The following CYP46A1 variants were observed in gnomAD, a reference collection of about 807,000 sequenced individuals.
CYP46A1 encodes cholesterol 24-hydroxylase.
Under a neutral mutation model 63.3 loss-of-function variants are expected in CYP46A1, and 20 were observed. That is an observed-to-expected ratio of 0.32 (90% CI 0.22 to 0.46). The LOEUF is 0.46. Ranked by LOEUF, CYP46A1 falls within the 20% of genes least tolerant of loss-of-function variation. The probability of loss-of-function intolerance (pLI) is 1.00; values close to 1 mark genes in which losing one functional copy is unlikely to be tolerated. For missense variants in CYP46A1, 445 were observed against 670.8 expected (o/e 0.66, Z 3.72); for synonymous variants, 268 against 273.6 (o/e 0.98, Z 0.20).
At position 99,721,991 on chromosome 14, in the gene CYP46A1, A is replaced by T. The variant is rs200110496; in HGVS notation, c.1101A>T (p.Ala367=). ...LKESLRLYPP[A]WGTFRLLEEE... ...AGTCGCTGAGGCTGTACCCACCAGC[A>T]TGGGGCACCTTTCGCCTGCTGGAAG... Residue 367 remains alanine (A), a synonymous_variant, in exon 12 of 15, where the codon GCA becomes GCT. Transcript: ENST00000261835. 1 of 1,613,496 alleles carries T rather than the reference A, an allele frequency of 6.2e-7. No individual in the cohort carries two copies. Among genetic ancestry groups the T allele is most frequent in the African/African-American group, 1.3e-5 (1 of 74,858 alleles).
chr14:99,701,452 G>A (rs556860262), intron 5 of CYP46A1, among the ~76,000 whole-genome samples: 1 of 152,250 alleles, frequency 6.6e-6, no homozygotes, highest in Admixed American at 6.5e-5. Flanking sequence ...GCAGTAACCT[G>A]TTGCACAGGT....
intron 6 of CYP46A1, 26 bp downstream of exon 6, chr14:99,706,811 G>GGCCAGGA: frequency 6.2e-7 from 1 of 1,608,522 alleles, no homozygotes; most frequent in Non-Finnish European, 8.5e-7. Context: ...CGGGCATGGG[G>GGCCAGGA]GCCAGGAGGG....
At chr14:99,724,077 T>A (rs11851353) in intron 12 of CYP46A1, among the ~76,000 whole-genome samples, 1 of 152,212 alleles carries the variant, frequency 6.6e-6, no homozygotes. Context: ...CTTCCTTCTG[T>A]GTGTCTGTGT....
In CYP46A1 at chr14:99,725,807, G is replaced by A. The variant is rs191357733; in HGVS notation, c.1265+328G>A. Among the ~76,000 whole-genome samples, 1 of 152,294 alleles carries A rather than the reference G, an allele frequency of 6.6e-6. No homozygotes were observed. Among genetic ancestry groups the A allele is most frequent in the Non-Finnish European group, 1.5e-5 (1 of 68,016 alleles). On this transcript the variant is annotated intron_variant, in intron 13 of 14. Coordinates refer to ENST00000261835, the MANE Select transcript of CYP46A1 (RefSeq NM_006668.2). This position sits in a 1 kb window ranked among gnomAD's most constrained non-coding sequence, Gnocchi z 4.2. ...CGTGGCTGCATCTGCAAGTTGCTGT[G>A]GGGGTCAACGCGTTAAGGTACCGAA...
chr14:99,697,013 G>A (rs1566827499), intron 3 of CYP46A1, among the ~76,000 whole-genome samples: 1 of 152,194 alleles, frequency 6.6e-6, no homozygotes, highest in Non-Finnish European at 1.5e-5. Context: ...TCTGCGGAAG[G>A]TCTTGTGTCT....
chr14:99,727,023 A>C lies in CYP46A1; in HGVS notation c.*296A>C. On this transcript the variant is annotated 3_prime_UTR_variant, in exon 15 of 15. Transcript: ENST00000261835. ...AGACGAGACACCCTAACTCTTGCTC[A>C]CTCCCTAAAGCCCTCTTCAGGGGTC... 2 of 368,232 alleles carry C rather than the reference A, an allele frequency of 5.4e-6. No homozygotes were observed. The highest frequency in any genetic ancestry group is 1.3e-4 in the South Asian group (1 of 7,572). 22.8% of individuals were successfully genotyped at this position (368,232 alleles called of 1,614,324 possible).
chr14:99,699,605 T>C, intron 4 of CYP46A1, 66 bp downstream of exon 4: 1 of 1,542,318 alleles, frequency 6.5e-7, no homozygotes, highest in Non-Finnish European at 9.0e-7. Context: ...TGAGGGCCAG[T>C]GCGGTCCAGA....
intron 3 of CYP46A1, 44 bp from the exon 4 acceptor site, chr14:99,699,422 C>T (rs2056612151): frequency 1.3e-6 from 2 of 1,580,814 alleles, no homozygotes; most frequent in Admixed American, 1.7e-5. Flanking sequence ...CTTGCAGCTA[C>T]TCATGGGTGC....
At chr14:99,707,493 A>G in intron 6 of CYP46A1, 75 bp from the exon 7 acceptor site, 1 of 1,207,452 alleles carries the variant, frequency 8.3e-7, no homozygotes, top group Non-Finnish European at 1.2e-6. Context: ...GTCTAGCAGA[A>G]TGATGCCAGG....
chr14:99,693,956 C>T (rs1218362430), intron 3 of CYP46A1, among the ~76,000 whole-genome samples: 1 of 152,156 alleles, frequency 6.6e-6, no homozygotes, highest in Non-Finnish European at 1.5e-5. Context: ...CTAACTGAAA[C>T]TGTGTATCAG....
intron 7 of CYP46A1, among the ~76,000 whole-genome samples, chr14:99,715,437 G>A (rs1595201191): frequency 6.6e-6 from 1 of 152,120 alleles, no homozygotes; most frequent in Non-Finnish European, 1.5e-5. Flanking sequence ...GCTTGCAGCC[G>A]CCAATGCCGC....
intron 1 of CYP46A1, among the ~76,000 whole-genome samples, chr14:99,687,276 C>T (rs1014621254): frequency 2.6e-5 from 4 of 152,240 alleles, no homozygotes; most frequent in African/African-American, 9.6e-5. Flanking sequence ...AGCCCCTACT[C>T]TCCTGGTAAT....
At chr14:99,723,028 G>C (rs1379450812) in intron 12 of CYP46A1, 5 of 381,386 alleles carry the variant, frequency 1.3e-5, no homozygotes, top group Admixed American at 1.1e-4. Flanking sequence ...CAGTAGTGGT[G>C]AGAGAGAGCA....
intron 7 of CYP46A1, chr14:99,708,552 T>G (rs1009571833): frequency 6.4e-6 from 1 of 155,518 alleles, no homozygotes; most frequent in African/African-American, 2.5e-5. Context: ...CACTAGCGCC[T>G]GCCATTGAGA....
chr14:99,707,231 C>CT (rs1174919715), intron 6 of CYP46A1, among the ~76,000 whole-genome samples: 1 of 152,210 alleles, frequency 6.6e-6, no homozygotes, highest in Non-Finnish European at 1.5e-5. Context: ...CTGGATTCCT[C>CT]TTTATCACAT....
At chr14:99,716,008 C>T (rs756436011) in intron 8 of CYP46A1, 48 bp downstream of exon 8, 2 of 1,599,074 alleles carry the variant, frequency 1.3e-6, no homozygotes, top group Admixed American at 1.7e-5. Flanking sequence ...TGGGCCAGGA[C>T]GTTCCCCAGG....
intron 10 of CYP46A1, among the ~76,000 whole-genome samples, chr14:99,719,182 A>G (rs890317292): frequency 6.6e-6 from 1 of 152,146 alleles, no homozygotes; most frequent in African/African-American, 2.4e-5. Flanking sequence ...AGTGGCATTA[A>G]GGGCATTCAC....
chr14:99,716,668 A>G (rs754129122), intron 9 of CYP46A1, among the ~76,000 whole-genome samples: 1 of 152,208 alleles, frequency 6.6e-6, no homozygotes, highest in African/African-American at 2.4e-5. Context: ...AGCTGACCAC[A>G]GGCCTGGGGC....
chr14:99,711,001 T>C (rs2056725576), intron 7 of CYP46A1: 1 of 138,850 alleles, frequency 7.2e-6, no homozygotes, highest in Admixed American at 7.5e-5. Flanking sequence ...CAATAACAAG[T>C]GAAACTTTGG....
Sources: gnomAD v4.1 joint callset for allele counts (sites outside exome capture counted in the v4.1 genomes callset) on GRCh38, gnomAD v4.1.1 for gene constraint, Gnocchi (gnomAD v3.1) non-coding constraint, MANE v1.5 for transcripts, NCBI Gene and HGNC (gene_info 2026-07-23, HGNC 2026-07-21) for gene names.